LRP1B: variants seen among roughly 807,000 people sequenced by gnomAD.
LRP1B encodes the protein low-density lipoprotein receptor-related protein 1B.
A neutral mutation model predicts 556.6 loss-of-function variants in LRP1B; 217 were observed. The observed-to-expected ratio is 0.39, with a 90% CI of 0.35 to 0.44. The LOEUF is 0.44. Among genes scored for constraint, LRP1B ranks in the 20% least tolerant of loss-of-function variants. LRP1B has a pLI of 1.00. For synonymous variants in LRP1B, 2,047 were observed against 1,865.8 expected (o/e 1.10, Z -2.50); for missense variants, 5,053 against 5,620.8 (o/e 0.90, Z 3.23).
At chr2:141,088,171 T>A (rs1262583133) in intron 7 of LRP1B, among the ~76,000 whole-genome samples, 1 of 152,114 alleles carries the variant, frequency 6.6e-6, no homozygotes, top group African/African-American at 2.4e-5. Context: ...ACAATAGAAA[T>A]CCTAATATAA....
intron 43 of LRP1B, among the ~76,000 whole-genome samples, chr2:140,566,845 C>G (rs1681145211): frequency 6.6e-6 from 1 of 152,136 alleles, no homozygotes; most frequent in Non-Finnish European, 1.5e-5. Context: ...CAGCCTGACT[C>G]CTATGAAATG....
At chr2:141,107,471 C>A (rs780118691) in intron 7 of LRP1B, among the ~76,000 whole-genome samples, 76 of 152,012 alleles carry the variant, frequency 5.0e-4, no homozygotes, top group Admixed American at 1.0e-3. Context: ...CATGGTGAAA[C>A]CCTTTTTCTA....
intron 59 of LRP1B, 31 bp downstream of exon 59, chr2:140,485,312 A>T (rs184070513): frequency 6.4e-7 from 1 of 1,567,804 alleles, no homozygotes; most frequent in South Asian, 1.2e-5. Context: ...TCCAGTCTTA[A>T]ACTTTAAGAT....
intron 14 of LRP1B, among the ~76,000 whole-genome samples, chr2:141,005,728 G>A (rs1228528185): frequency 6.6e-6 from 1 of 151,912 alleles, no homozygotes; most frequent in Non-Finnish European, 1.5e-5. Context: ...AGAACAGAAT[G>A]GTATCTGTCT....
chr2:141,261,334 AT>A (rs1558966830), intron 3 of LRP1B, among the ~76,000 whole-genome samples: 1 of 152,080 alleles, frequency 6.6e-6, no homozygotes, highest in Admixed American at 6.5e-5. Flanking sequence ...TTTTTATTGC[AT>A]TTTTTTCTAT....
intron 1 of LRP1B, among the ~76,000 whole-genome samples, chr2:141,963,054 T>C (rs72852551): frequency 4.0e-4 from 61 of 151,764 alleles, no homozygotes; most frequent in Middle Eastern, 3.4e-3. Context: ...CAAAGTGACA[T>C]AGAGAACACA....
chr2:141,888,124 A>G (rs1049973502), intron 1 of LRP1B, among the ~76,000 whole-genome samples: 2 of 152,202 alleles, frequency 1.3e-5, no homozygotes, highest in African/African-American at 4.8e-5. Flanking sequence ...CAGGAATTAT[A>G]TGGACTTTGC....
At chr2:141,043,211 T>A (rs199722897) in intron 11 of LRP1B, among the ~76,000 whole-genome samples, 99 of 11,646 alleles carry the variant, frequency 8.5e-3, no homozygotes, top group East Asian at 0.091. Context: ...TCAAAAAAAA[T>A]AAAATAAAAT....
chr2:140,418,232 G>T (rs562958448), intron 66 of LRP1B, among the ~76,000 whole-genome samples: 1 of 152,274 alleles, frequency 6.6e-6, no homozygotes, highest in African/African-American at 2.4e-5. Context: ...TTCAAACATC[G>T]CAGAGATTTT....
At chr2:141,608,096 T>A (rs1226359811) in intron 2 of LRP1B, among the ~76,000 whole-genome samples, 1 of 151,918 alleles carries the variant, frequency 6.6e-6, no homozygotes, top group Non-Finnish European at 1.5e-5. Flanking sequence ...TGGTGGTGCA[T>A]GCCTGTAATC....
chr2:141,249,367 C>T (rs1049449078), intron 4 of LRP1B, among the ~76,000 whole-genome samples: 9 of 152,102 alleles, frequency 5.9e-5, no homozygotes, highest in Admixed American at 1.3e-4. Flanking sequence ...TAGGCCAAGG[C>T]GGGCAGATTA....
chr2:141,655,074 G>C (rs994938304), intron 2 of LRP1B, among the ~76,000 whole-genome samples: 1 of 152,108 alleles, frequency 6.6e-6, no homozygotes, highest in Non-Finnish European at 1.5e-5. Context: ...CTCTATTCTT[G>C]CTTTACCATC....
intron 2 of LRP1B, among the ~76,000 whole-genome samples, chr2:141,567,394 C>T (rs1419601121): frequency 6.6e-6 from 1 of 152,010 alleles, no homozygotes; most frequent in African/African-American, 2.4e-5. Context: ...TTTCAAAGAA[C>T]AAAAACCAAT....
intron 2 of LRP1B, among the ~76,000 whole-genome samples, chr2:141,591,183 T>G (rs1186172295): frequency 2.6e-5 from 4 of 152,154 alleles, no homozygotes; most frequent in Admixed American, 6.5e-5. Flanking sequence ...CCATTTTCAC[T>G]TCCCTCTCTC....
intron 75 of LRP1B, among the ~76,000 whole-genome samples, chr2:140,355,496 G>A (rs191652791): frequency 6.6e-6 from 1 of 152,072 alleles, no homozygotes; most frequent in East Asian, 1.9e-4. Context: ...CCTTTTGGGT[G>A]AGTAGAATCA....
chr2:140,283,637 C>T (rs898255785), intron 84 of LRP1B, among the ~76,000 whole-genome samples: 2 of 151,656 alleles, frequency 1.3e-5, no homozygotes, highest in African/African-American at 4.8e-5. Context: ...GAGTGAGTGA[C>T]ATATGGGGTG....
intron 2 of LRP1B, among the ~76,000 whole-genome samples, chr2:141,803,882 A>C (rs2105693471): frequency 6.6e-6 from 1 of 152,290 alleles, no homozygotes; most frequent in African/African-American, 2.4e-5. Context: ...GAATATAAGA[A>C]GTTCATTAAA....
intron 32 of LRP1B, among the ~76,000 whole-genome samples, chr2:140,778,842 T>C (rs1287659655): frequency 6.6e-6 from 1 of 152,094 alleles, no homozygotes; most frequent in Non-Finnish European, 1.5e-5. Flanking sequence ...AAAATTCAGC[T>C]ATATTATATT....
At chr2:142,084,161 T>C (rs1192415779) in intron 1 of LRP1B, among the ~76,000 whole-genome samples, 1 of 152,122 alleles carries the variant, frequency 6.6e-6, no homozygotes, top group Non-Finnish European at 1.5e-5. Flanking sequence ...TTTGTATTTT[T>C]AGTAGAGACT....
Sources: gnomAD v4.1 joint callset for allele counts (sites outside exome capture counted in the v4.1 genomes callset) on GRCh38, gnomAD v4.1.1 for gene constraint, MANE v1.5 for transcripts, NCBI Gene and HGNC (gene_info 2026-07-23, HGNC 2026-07-21) for gene names.